IL17RD: variants seen among roughly 807,000 people sequenced by gnomAD.
The protein encoded by IL17RD is interleukin 17 receptor D, also known as interleukin-17 receptor D.
IL17RD carries 52 observed loss-of-function variants against 80.5 expected under a neutral mutation model. That is an observed-to-expected ratio of 0.65 (90% CI 0.52 to 0.81). IL17RD has a LOEUF of 0.81. IL17RD is among the 40% of genes least tolerant of loss of function. The probability of loss-of-function intolerance (pLI) is 0.00; values close to 1 mark genes in which losing one functional copy is unlikely to be tolerated. For missense variants in IL17RD, 1,024 were observed against 955.1 expected (o/e 1.07, Z -0.95); for synonymous variants, 416 against 391.8 (o/e 1.06, Z -0.73).
intron 1 of IL17RD, chr3:57,142,684 G>C (rs897528205): frequency 2.5e-5 from 4 of 156,948 alleles, no homozygotes; most frequent in Non-Finnish European, 5.5e-5. Flanking sequence ...GTTGGGCGGG[G>C]CGGGGGGGAG....
intron 1 of IL17RD, among the ~76,000 whole-genome samples, chr3:57,127,247 T>TAAAA (rs1579290467): frequency 2.0e-5 from 2 of 99,884 alleles, no homozygotes; most frequent in East Asian, 6.7e-4. Flanking sequence ...TATAAATATA[T>TAAAA]ATATAAATAT....
chr3:57,143,653 A>G (rs1052644813), intron 1 of IL17RD, among the ~76,000 whole-genome samples: 3 of 152,188 alleles, frequency 2.0e-5, no homozygotes, highest in Non-Finnish European at 1.5e-5. Flanking sequence ...CAAAGCCCTC[A>G]ATGTGTGTGA....
chr3:57,165,727 A>G (rs532881295), upstream of IL17RD, among the ~76,000 whole-genome samples: 70 of 152,260 alleles, frequency 4.6e-4, no homozygotes, highest in East Asian at 0.011. Context: ...ACGCCCAACC[A>G]CACAAGGAAG....
chr3:57,134,597 G>A, intron 1 of IL17RD: 1 of 1,119,982 alleles, frequency 8.9e-7, no homozygotes, highest in Non-Finnish European at 1.4e-6. Flanking sequence ...ACAAGAAGCT[G>A]CAGGCTGACC....
At chr3:57,109,713 T>A in intron 4 of IL17RD, 56 bp from the exon 5 acceptor site, 1 of 1,565,214 alleles carries the variant, frequency 6.4e-7, no homozygotes, top group Non-Finnish European at 8.7e-7. Context: ...CCCCTCCACC[T>A]TCATAAGGTC....
At position 57,127,412 on chromosome 3, in the gene IL17RD, A is replaced by ATATTT. The variant is rs1246159104; in HGVS notation, c.127-7100_127-7099insAAATA. ...AATAAATAAATATATATATATATATATTTTTTTTTTGAGATAAGAGTCTTG... is the reference window on the plus strand; with the variant it reads ...AATAAATAAATATATATATATATATATATTTTTTTTTTTTTGAGATAAGAGTCTTG... On this transcript the variant is annotated intron_variant, in intron 1 of 12. Transcript: ENST00000296318. Among the ~76,000 whole-genome samples, 27 of 91,186 alleles carry ATATTT rather than the reference A, an allele frequency of 3.0e-4. 1 individual carries two copies. Among genetic ancestry groups the ATATTT allele is most frequent in the African/African-American group, 1.3e-3 (27 of 20,464 alleles). The allele number at this position is 91,186 out of a possible 152,430, so 59.8% of individuals were successfully genotyped here. A position where few individuals can be genotyped will look rare whatever the true frequency, so the allele number is the denominator to read the frequency against.
chr3:57,156,609 C>G (rs1054831581), intron 1 of IL17RD, among the ~76,000 whole-genome samples: 1 of 152,158 alleles, frequency 6.6e-6, no homozygotes, highest in African/African-American at 2.4e-5. Flanking sequence ...ACCTAACACA[C>G]AGAACACACC....
chr3:57,143,244 A>G (rs1021526061), intron 1 of IL17RD, among the ~76,000 whole-genome samples: 2 of 152,138 alleles, frequency 1.3e-5, no homozygotes, highest in Non-Finnish European at 2.9e-5. Flanking sequence ...GCCACCTTAC[A>G]CCAGGATGGA....
intron 1 of IL17RD, 51 bp downstream of exon 1, chr3:57,165,110 T>A: frequency 6.8e-7 from 1 of 1,465,986 alleles, no homozygotes; most frequent in Non-Finnish European, 9.0e-7. Flanking sequence ...CTGTGCGCGC[T>A]GCGTCCCCCG....
At chr3:57,150,690 C>T (rs1013252409) in intron 1 of IL17RD, among the ~76,000 whole-genome samples, 1 of 152,078 alleles carries the variant, frequency 6.6e-6, no homozygotes, top group African/African-American at 2.4e-5. Flanking sequence ...TGTGAGAGAT[C>T]GGGACTCAAA....
chr3:57,158,207 A>G (rs1022400205), intron 1 of IL17RD, among the ~76,000 whole-genome samples: 3 of 152,208 alleles, frequency 2.0e-5, no homozygotes, highest in Non-Finnish European at 4.4e-5. Context: ...ACCATGTAGT[A>G]GTTTTAATGA....
chr3:57,114,183 C>CAAAAAAAAAAAAAAAAAAAAAAA (rs113601317), intron 3 of IL17RD, among the ~76,000 whole-genome samples: 1 of 118,562 alleles, frequency 8.4e-6, no homozygotes, highest in African/African-American at 3.4e-5. Context: ...AACTATGTCT[C>CAAAAAAAAAAAAAAAAAAAAAAA]AAAAAAAAAA....
At chr3:57,117,978 A>G (rs1386832) in intron 2 of IL17RD, among the ~76,000 whole-genome samples, 24,189 of 152,276 alleles carry the variant, frequency 0.16, 2,488 homozygotes, top group East Asian at 0.37. Context: ...ATTTGGTATT[A>G]TTAAAAAAAC....
In IL17RD at chr3:57,098,185, C is replaced by G. The variant is rs769391464; in HGVS notation, c.1518G>C (p.Gln506His). 4.3e-6 allele frequency: 7 copies of G among 1,613,808 alleles called. No individual in the cohort carries two copies. The highest frequency in any genetic ancestry group is 5.9e-6 in the Non-Finnish European group (7 of 1,179,850). ...TKYRLMDNLP[Q>H]LCSHLHSRDH... ...CTCGGGAGTGCAAGTGGGAACAGAG[C>G]TGAGGAAGATTGTCCATGAGTCTGT... Residue 506 changes from glutamine (Q) to histidine (H), a missense_variant, in exon 12 of 13, where the codon CAG (glutamine) becomes CAC (histidine). Coordinates refer to ENST00000296318, the MANE Select transcript of IL17RD (RefSeq NM_017563.5).
intron 3 of IL17RD, among the ~76,000 whole-genome samples, chr3:57,114,243 C>T (rs77543785): frequency 0.17 from 26,215 of 151,800 alleles, 2,701 homozygotes; most frequent in East Asian, 0.37. Context: ...ATTTCATTGT[C>T]TTTCATGAAC....
chr3:57,140,365 G>C (rs1329113056), intron 1 of IL17RD, among the ~76,000 whole-genome samples: 1 of 152,100 alleles, frequency 6.6e-6, no homozygotes, highest in Non-Finnish European at 1.5e-5. Flanking sequence ...CTACGAGCTA[G>C]CATTTAGAAT....
chr3:57,097,826 C>G lies in IL17RD; in HGVS notation c.1877G>C (p.Gly626Ala), dbSNP rs1706720493. The change falls in exon 12 of 13, where the codon GGC becomes GCC. Residue 626 changes from glycine (G) to alanine (A), a missense_variant. Gly to Ala is a moderately conservative substitution (Grantham distance 60). Coordinates refer to ENST00000296318, the MANE Select transcript of IL17RD (RefSeq NM_017563.5). ...CCGGGCCTCCCCGTCTTGGTCCAGG[C>G]CCCCATGCTGACTCTCGTGCTGGGA... is the stretch of plus-strand genomic sequence containing the variant. ...ADSQHESQHG[G>A]LDQDGEARPA... 3 of 1,610,426 alleles carry G rather than the reference C, an allele frequency of 1.9e-6. No homozygotes were observed. Among genetic ancestry groups the G allele is most frequent in the East Asian group, 2.2e-5 (1 of 44,856 alleles).
chr3:57,144,888 C>G (rs942023054), intron 1 of IL17RD, among the ~76,000 whole-genome samples: 9 of 152,098 alleles, frequency 5.9e-5, no homozygotes, highest in South Asian at 2.1e-4. Flanking sequence ...AGGAAGGAGT[C>G]ATTTTTAAAA....
chr3:57,108,306 G>C (rs546129759), intron 5 of IL17RD, among the ~76,000 whole-genome samples: 1 of 151,426 alleles, frequency 6.6e-6, no homozygotes, highest in South Asian at 2.1e-4. Flanking sequence ...TGCCTGCCTC[G>C]GCCTCCCAAA....
Sources: gnomAD v4.1 joint callset for allele counts (sites outside exome capture counted in the v4.1 genomes callset) on GRCh38, gnomAD v4.1.1 for gene constraint, MANE v1.5 for transcripts, NCBI Gene and HGNC (gene_info 2026-07-23, HGNC 2026-07-21) for gene names.